MARCHF10: variants seen among roughly 807,000 people sequenced by gnomAD.
MARCHF10 encodes probable E3 ubiquitin-protein ligase MARCHF10.
In MARCHF10, 64 loss-of-function variants were observed where a neutral mutation model predicts 76.2. The observed-to-expected ratio is 0.84, with a 90% confidence interval of 0.69 to 1.03. The LOEUF is 1.03. Among genes scored for constraint, MARCHF10 ranks in the 50% least tolerant of loss-of-function variants. The pLI, the probability that MARCHF10 is intolerant of heterozygous loss-of-function variation, is 0.00. For synonymous variants in MARCHF10, 340 were observed against 357.5 expected (o/e 0.95, Z 0.55); for missense variants, 875 against 958.0 (o/e 0.91, Z 1.14).
At chr17:62,777,359 T>C (rs888516606) in intron 3 of MARCHF10, among the ~76,000 whole-genome samples, 4 of 152,206 alleles carry the variant, frequency 2.6e-5, no homozygotes, top group African/African-American at 9.6e-5. Context: ...CTCCTTTACA[T>C]GGCAATGACC....
chr17:62,790,417 C>G (rs964315967), intron 2 of MARCHF10, among the ~76,000 whole-genome samples: 1 of 152,168 alleles, frequency 6.6e-6, no homozygotes, highest in Non-Finnish European at 1.5e-5. Flanking sequence ...CTCAGGTGAT[C>G]GGCCTGCCTC....
At chr17:62,756,132 C>T (rs561421596) in intron 4 of MARCHF10, among the ~76,000 whole-genome samples, 1 of 152,244 alleles carries the variant, frequency 6.6e-6, no homozygotes, top group Non-Finnish European at 1.5e-5. Context: ...TCTGTAATCC[C>T]AGCTACTCGG....
intron 6 of MARCHF10, among the ~76,000 whole-genome samples, chr17:62,727,905 T>G (rs2090838305): frequency 6.6e-6 from 1 of 152,204 alleles, no homozygotes; most frequent in Non-Finnish European, 1.5e-5. Context: ...GCTCAAGAAC[T>G]GCTTCAGCAC....
chr17:62,757,745 G>A (rs2092087857), intron 4 of MARCHF10, among the ~76,000 whole-genome samples: 2 of 152,196 alleles, frequency 1.3e-5, no homozygotes, highest in South Asian at 4.1e-4. Flanking sequence ...TGATGAAGCT[G>A]GTGGTTTGTA....
chr17:62,712,651 T>C lies in MARCHF10; in HGVS notation c.2215-1307A>G, dbSNP rs2089990424. 6.6e-6 allele frequency among the ~76,000 whole-genome samples: 1 copy of C among 152,212 alleles called. No individual in the cohort carries two copies. The highest frequency in any genetic ancestry group is 1.5e-5 in the Non-Finnish European group (1 of 68,034). Reference sequence around the variant, plus strand: ...AGTCCTCTGTCCTTAGCAGTTAGCCTCCTATTTTTAGCCTTTGGTCGTGTT... The same window carrying C: ...AGTCCTCTGTCCTTAGCAGTTAGCCCCCTATTTTTAGCCTTTGGTCGTGTT... On this transcript the variant is annotated intron_variant, in intron 8 of 10. Transcript: ENST00000311269. This position sits in a 1 kb window ranked among gnomAD's most constrained non-coding sequence, Gnocchi z 4.2.
At chr17:62,701,848 C>G in intron 10 of MARCHF10, 90 bp from the exon 11 acceptor site, 2 of 1,550,540 alleles carry the variant, frequency 1.3e-6, no homozygotes, top group Non-Finnish European at 1.8e-6. Flanking sequence ...TCATCTTCTC[C>G]CACCCCATCC....
Position 62,712,433 on chromosome 17 carries a change from C to A in MARCHF10, c.2215-1089G>T, listed in dbSNP as rs2089980851. Among the ~76,000 whole-genome samples, 1 of 152,222 alleles carries A rather than the reference C, an allele frequency of 6.6e-6. No homozygotes were observed. The highest frequency in any genetic ancestry group is 2.1e-4 in the South Asian group (1 of 4,828). On this transcript the variant is annotated intron_variant, in intron 8 of 10. Transcript: ENST00000311269. The surrounding 1 kb of genome is among the most constrained non-coding windows in gnomAD (Gnocchi z 4.2). ...CTTCCTGTTCTCATTAGATCCAGGG[C>A]AGCTCAGGAGGTTGGCACAGAACCC...
Position 62,705,552 on chromosome 17 carries a change from T to A in MARCHF10, c.2358A>T (p.Thr786=). Residue 786 remains threonine (T), a synonymous_variant, in exon 10 of 11, where the codon ACA becomes ACT. Coordinates refer to ENST00000311269, the MANE Select transcript of MARCHF10 (RefSeq NM_152598.4). ...CCCAAAACCTACTTTCATTTTCCTC[T>A]GTTCTGGGTTGTGGGTAATTTCTTG... ...RLSRNYPQPR[T]EENENSELGD... 6.2e-7 allele frequency: 1 copy of A among 1,614,148 alleles called. No individual in the cohort carries two copies.
intron 4 of MARCHF10, among the ~76,000 whole-genome samples, chr17:62,756,502 A>G (rs1351880561): frequency 6.6e-6 from 1 of 152,202 alleles, no homozygotes; most frequent in African/African-American, 2.4e-5. Flanking sequence ...TAAAGAAAAA[A>G]AGATGTTTTG....
At chr17:62,743,568 G>A (rs1230963491) in intron 5 of MARCHF10, among the ~76,000 whole-genome samples, 7 of 152,116 alleles carry the variant, frequency 4.6e-5, no homozygotes, top group East Asian at 1.9e-4. Context: ...GCTTGAATCC[G>A]GGAGGTGGAG....
At chr17:62,703,453 G>C (rs1409802015) in intron 10 of MARCHF10, 1 of 152,358 alleles carries the variant, frequency 6.6e-6, no homozygotes, top group Non-Finnish European at 1.5e-5. Flanking sequence ...TCTTGAGAAC[G>C]GCTCTGGCGG....
chr17:62,729,867 C>T (rs922648854), intron 6 of MARCHF10, among the ~76,000 whole-genome samples: 1 of 144,198 alleles, frequency 6.9e-6, no homozygotes, highest in African/African-American at 2.5e-5. Flanking sequence ...AGCCACCATG[C>T]TCAGCCCTCA....
intron 2 of MARCHF10, among the ~76,000 whole-genome samples, chr17:62,797,283 C>A (rs1041081884): frequency 5.3e-5 from 8 of 152,204 alleles, no homozygotes; most frequent in African/African-American, 1.9e-4. Context: ...TGGCTCACTG[C>A]AACCTCCGCC....
rs758318711 is a variant in MARCHF10 at position 62,801,739 on chromosome 17, T to G, written c.-4A>C. On this transcript the variant is annotated 5_prime_UTR_variant, in exon 2 of 11. Coordinates refer to ENST00000311269, the MANE Select transcript of MARCHF10 (RefSeq NM_152598.4). ...TGTCCCTTGCGTCATGCAACATGAT[T>G]CCTAATCCCTGACCTGCACAGAAAA... 48 of 1,613,052 alleles carry G rather than the reference T, an allele frequency of 3.0e-5. No homozygotes were observed. In the Admixed American group the frequency reaches 7.7e-4, roughly 26 times the overall value.
At chr17:62,758,127 G>A (rs60758620) in intron 4 of MARCHF10, among the ~76,000 whole-genome samples, 23,456 of 152,096 alleles carry the variant, frequency 0.15, 3,930 homozygotes, top group African/African-American at 0.42. Context: ...CAGGCCAGGT[G>A]CGGTGGCTCA....
At chr17:62,737,678 G>C (rs1466283750) in intron 5 of MARCHF10, 3 of 223,004 alleles carry the variant, frequency 1.3e-5, no homozygotes, top group Non-Finnish European at 1.7e-5. Context: ...CATACGTACT[G>C]AAAGGGAAAA....
At chr17:62,703,970 C>G (rs2089409575) in intron 10 of MARCHF10, among the ~76,000 whole-genome samples, 1 of 152,158 alleles carries the variant, frequency 6.6e-6, no homozygotes, top group Non-Finnish European at 1.5e-5. Flanking sequence ...CCAGCGGAAG[C>G]CACGCGGGCG....
At chr17:62,790,675 C>A (rs1030292325) in intron 2 of MARCHF10, among the ~76,000 whole-genome samples, 16 of 152,330 alleles carry the variant, frequency 1.1e-4, no homozygotes, top group African/African-American at 3.6e-4. Flanking sequence ...ACGTTTCACG[C>A]CCTCTGTTAG....
chr17:62,769,888 G>A (rs957990023), intron 3 of MARCHF10, among the ~76,000 whole-genome samples: 4 of 152,024 alleles, frequency 2.6e-5, no homozygotes, highest in Admixed American at 2.6e-4. Context: ...GTTCATTCAA[G>A]TTGGCTTTTA....
Sources: gnomAD v4.1 joint callset for allele counts (sites outside exome capture counted in the v4.1 genomes callset) on GRCh38, gnomAD v4.1.1 for gene constraint, Gnocchi (gnomAD v3.1) non-coding constraint, MANE v1.5 for transcripts, NCBI Gene and HGNC (gene_info 2026-07-23, HGNC 2026-07-21) for gene names.